CHST8: variants seen among roughly 807,000 people sequenced by gnomAD.
The protein encoded by CHST8 is carbohydrate sulfotransferase 8.
Under a neutral mutation model 15.0 loss-of-function variants are expected in CHST8, and 10 were observed. That is an observed-to-expected ratio of 0.67 (90% CI 0.41 to 1.13). CHST8 has a LOEUF of 1.13. Ranked by LOEUF, CHST8 falls within the 50% of genes most tolerant of loss-of-function variation. The pLI, the probability that CHST8 is intolerant of heterozygous loss-of-function variation, is 0.00. For synonymous variants in CHST8, 259 were observed against 256.6 expected (o/e 1.01, Z -0.09); for missense variants, 634 against 608.2 (o/e 1.04, Z -0.45).
chr19:33,654,438 T>C (rs993442445), intron 1 of CHST8, among the ~76,000 whole-genome samples: 4 of 152,114 alleles, frequency 2.6e-5, no homozygotes, highest in Non-Finnish European at 5.9e-5. Flanking sequence ...GCAAAAATTA[T>C]CCAAACTAAT....
At chr19:33,755,541 GC>G (rs1380942618) in intron 3 of CHST8, among the ~76,000 whole-genome samples, 1 of 152,200 alleles carries the variant, frequency 6.6e-6, no homozygotes, top group Non-Finnish European at 1.5e-5. Context: ...CACCTACCTG[GC>G]CCGCTCCTCA....
rs368667002 is a variant in CHST8 at position 33,750,413 on chromosome 19, T to C, written c.131-21000T>C. Among the ~76,000 whole-genome samples, 14 of 152,274 alleles carry C rather than the reference T, an allele frequency of 9.2e-5. No individual in the cohort carries two copies. In the East Asian group the frequency reaches 2.5e-3, roughly 27 times the overall value. ...TACCCCCAGGACCCCAGGGCCTGGA[T>C]CTGAGAGCCATCCATCCGGGAGGAG... On this transcript the variant is annotated intron_variant, in intron 3 of 4. Transcript: ENST00000650847.
At chr19:33,726,588 T>C (rs1384350128) in intron 3 of CHST8, among the ~76,000 whole-genome samples, 1 of 151,346 alleles carries the variant, frequency 6.6e-6, no homozygotes, top group African/African-American at 2.4e-5. Flanking sequence ...AGGTGGGGAG[T>C]GAAGGGTGTG....
intron 1 of CHST8, among the ~76,000 whole-genome samples, chr19:33,640,042 C>T (rs139860783): frequency 0.018 from 2,733 of 152,184 alleles, 40 homozygotes; most frequent in Non-Finnish European, 0.031. Flanking sequence ...CAGGGTTTCA[C>T]CATGCTGGCC....
chr19:33,625,380 A>G (rs1972038556), intron 1 of CHST8, among the ~76,000 whole-genome samples: 1 of 150,004 alleles, frequency 6.7e-6, no homozygotes, highest in African/African-American at 2.4e-5. Flanking sequence ...CGCGCCCCGC[A>G]TGGCTGCTCT....
chr19:33,672,156 G>A (rs886860727), intron 2 of CHST8, among the ~76,000 whole-genome samples: 1 of 151,974 alleles, frequency 6.6e-6, no homozygotes, highest in East Asian at 1.9e-4. Context: ...TATATAAGTG[G>A]TGGAATCCTC....
At chr19:33,768,233 A>G (rs1022861620) in intron 3 of CHST8, among the ~76,000 whole-genome samples, 2 of 152,106 alleles carry the variant, frequency 1.3e-5, no homozygotes, top group Non-Finnish European at 2.9e-5. Flanking sequence ...TTCACGGCAA[A>G]GGGGAGGTCC....
At chr19:33,648,418 A>G (rs139919760) in intron 1 of CHST8, among the ~76,000 whole-genome samples, 1 of 152,168 alleles carries the variant, frequency 6.6e-6, no homozygotes, top group East Asian at 1.9e-4. Flanking sequence ...CTAGGCAAAC[A>G]CTAATCTGTT....
intron 3 of CHST8, among the ~76,000 whole-genome samples, chr19:33,739,866 A>C (rs1974154147): frequency 2.0e-5 from 3 of 152,164 alleles, no homozygotes; most frequent in Non-Finnish European, 4.4e-5. Flanking sequence ...CTGAAAAGGA[A>C]GGGTGCCATA....
At chr19:33,743,296 CTT>C (rs916165328) in intron 3 of CHST8, among the ~76,000 whole-genome samples, 82 of 98,228 alleles carry the variant, frequency 8.3e-4, no homozygotes, top group African/African-American at 2.3e-3. Context: ...CACAGCAATT[CTT>C]TTTTTTTTTT....
intron 2 of CHST8, among the ~76,000 whole-genome samples, chr19:33,686,607 G>C (rs537029541): frequency 6.6e-6 from 1 of 152,256 alleles, no homozygotes; most frequent in South Asian, 2.1e-4. Context: ...TGTTTTACCA[G>C]GCAGTTCTGG....
intron 1 of CHST8, among the ~76,000 whole-genome samples, chr19:33,647,770 C>T (rs912982918): frequency 2.6e-5 from 4 of 151,610 alleles, no homozygotes; most frequent in Admixed American, 2.0e-4. Flanking sequence ...CACTTGAACC[C>T]GGGAGGCGGA....
chr19:33,762,437 C>G (rs1974752739), intron 3 of CHST8, among the ~76,000 whole-genome samples: 2 of 152,258 alleles, frequency 1.3e-5, no homozygotes, highest in African/African-American at 2.4e-5. Context: ...CTGACAGGAA[C>G]CACCCAGCTG....
intron 3 of CHST8, among the ~76,000 whole-genome samples, chr19:33,729,251 A>T (rs1172068123): frequency 6.6e-6 from 1 of 152,120 alleles, no homozygotes. Context: ...CTGAGGGAGG[A>T]TCTGTTTCCA....
chr19:33,671,655 C>A (rs1428521881), intron 2 of CHST8, among the ~76,000 whole-genome samples: 1 of 152,082 alleles, frequency 6.6e-6, no homozygotes, highest in Non-Finnish European at 1.5e-5. Flanking sequence ...GTTGCCTTCT[C>A]AGTCAGAACT....
At chr19:33,713,471 G>T (rs571011305) in intron 3 of CHST8, among the ~76,000 whole-genome samples, 17 of 152,232 alleles carry the variant, frequency 1.1e-4, no homozygotes, top group Non-Finnish European at 1.3e-4. Context: ...TTCCTACAGG[G>T]TCTCCATTTC....
intron 3 of CHST8, among the ~76,000 whole-genome samples, chr19:33,740,648 G>A (rs962812911): frequency 6.6e-6 from 1 of 152,200 alleles, no homozygotes; most frequent in African/African-American, 2.4e-5. Context: ...GTTTCAGGAG[G>A]TTCAGCAAGC....
intron 1 of CHST8, among the ~76,000 whole-genome samples, chr19:33,660,027 C>G (rs1972566631): frequency 6.6e-6 from 1 of 152,222 alleles, no homozygotes; most frequent in Non-Finnish European, 1.5e-5. Context: ...ACCAGGCTTC[C>G]TGGCCCCTGA....
In CHST8 at chr19:33,679,448, G is replaced by C. The variant is rs377647240; in HGVS notation, c.-86-9728G>C. ...TTCATGTTCCCACCTTCTTCCATTA[G>C]CAACGAGATAATTGCCAAGAAGTAA... On this transcript the variant is annotated intron_variant, in intron 2 of 4. Transcript: ENST00000650847. Among the ~76,000 whole-genome samples the C allele has an allele frequency of 1.4e-4, 22 of 152,314 alleles. No homozygotes were observed. The East Asian group carries it at 2.7e-3, about 19-fold the overall frequency.
Sources: allele counts gnomAD v4.1 joint callset (sites outside exome capture counted in the v4.1 genomes callset), GRCh38; gene constraint gnomAD v4.1.1; transcripts MANE v1.5; gene names NCBI Gene and HGNC (gene_info 2026-07-23, HGNC 2026-07-21).